Variants in ABHD2 observed in about 807,000 individuals in gnomAD.
ABHD2 encodes the protein abhydrolase domain containing 2, acylglycerol lipase.
Under a neutral mutation model 48.1 loss-of-function variants are expected in ABHD2, and 20 were observed. The ratio of observed to expected loss-of-function variants is 0.42; its 90% CI spans 0.29 to 0.60. The LOEUF is 0.60. Among genes scored for constraint, ABHD2 ranks in the 20% least tolerant of loss-of-function variants. ABHD2 has a pLI of 0.24. For missense variants in ABHD2, 405 were observed against 550.9 expected (o/e 0.74, Z 2.65); for synonymous variants, 209 against 214.2 (o/e 0.98, Z 0.21).
At chr15:89,093,748 A>G (rs1460490068) in intron 1 of ABHD2, 1 of 152,300 alleles carries the variant, frequency 6.6e-6, no homozygotes, top group East Asian at 1.9e-4. Context: ...TAAACTTCCA[A>G]GGTCTGAGCC....
Position 89,185,615 on chromosome 15 carries a change from A to G in ABHD2, c.815+99A>G. ...AGGACTCCTGTTCCTTCAGGGGAAA[A>G]AAAAAAATGCAGGTGTGGTACAGAC... On this transcript the variant is annotated intron_variant, in intron 7 of 10. Transcript: ENST00000352732. The surrounding 1 kb of genome is among the most constrained non-coding windows in gnomAD (Gnocchi z 5.9). 1 of 1,049,942 alleles carries G rather than the reference A, an allele frequency of 9.5e-7. No homozygotes were observed. Among genetic ancestry groups the G allele is most frequent in the Non-Finnish European group, 1.4e-6 (1 of 700,202 alleles). The allele number at this position is 1,049,942 out of a possible 1,614,324, so 65.0% of individuals were successfully genotyped here. A position where few individuals can be genotyped will look rare whatever the true frequency, so the allele number is the denominator to read the frequency against.
chr15:89,125,769 C>G (rs964459014), intron 3 of ABHD2, among the ~76,000 whole-genome samples: 4 of 152,134 alleles, frequency 2.6e-5, no homozygotes, highest in African/African-American at 9.7e-5. Context: ...AAGGGGCCAG[C>G]CACATCAGGA....
chr15:89,138,574 C>G (rs571475473), intron 3 of ABHD2, among the ~76,000 whole-genome samples: 1 of 152,176 alleles, frequency 6.6e-6, no homozygotes, highest in Non-Finnish European at 1.5e-5. Flanking sequence ...AAAAAAACTC[C>G]TCTAACAAGA....
Position 89,091,688 on chromosome 15 carries a change from A to G in ABHD2, c.-107+3125A>G, listed in dbSNP as rs949125991. Among the ~76,000 whole-genome samples the G allele has an allele frequency of 6.6e-6, 1 of 152,178 alleles. No individual in the cohort carries two copies. The highest frequency in any genetic ancestry group is 1.5e-5 in the Non-Finnish European group (1 of 68,038). On this transcript the variant is annotated intron_variant, in intron 1 of 10. Coordinates refer to ENST00000352732, the MANE Select transcript of ABHD2 (RefSeq NM_152924.5). This position sits in a 1 kb window ranked among gnomAD's most constrained non-coding sequence, Gnocchi z 5.5. ...TTTTGCCTAAAATCTGGCTCTTTTA[A>G]AAGCCCCAGGAGAGAGACATTTCCA...
Position 89,168,003 on chromosome 15 carries a change from G to T in ABHD2, c.539-7809G>T, listed in dbSNP as rs2050862687. 6.6e-6 allele frequency among the ~76,000 whole-genome samples: 1 copy of T among 152,220 alleles called. No homozygotes were observed. Among genetic ancestry groups the T allele is most frequent in the South Asian group, 2.1e-4 (1 of 4,836 alleles). On this transcript the variant is annotated intron_variant, in intron 5 of 10. Coordinates refer to ENST00000352732, the MANE Select transcript of ABHD2 (RefSeq NM_152924.5). This position sits in a 1 kb window ranked among gnomAD's most constrained non-coding sequence, Gnocchi z 4.8. ...CCTGACATTTTGTGGCATATCCACA[G>T]ATGCCATGCATGGGCCTGGCATGGA...
chr15:89,144,219 C>T (rs1321995997), intron 3 of ABHD2, among the ~76,000 whole-genome samples: 9 of 152,234 alleles, frequency 5.9e-5, no homozygotes, highest in East Asian at 1.9e-4. Context: ...CTGCAACCTC[C>T]GCCTCCTGGG....
rs1409028553 is a variant in ABHD2 at position 89,108,294 on chromosome 15, T to C, written c.-106-5431T>C. Among the ~76,000 whole-genome samples the C allele has an allele frequency of 3.9e-5, 6 of 152,346 alleles. No individual in the cohort carries two copies. In the South Asian group the frequency reaches 1.0e-3, roughly 26 times the overall value. On this transcript the variant is annotated intron_variant, in intron 1 of 10. Transcript: ENST00000352732. ...CCCTGCTTGTCTCCTCTTCTGATGGTTGCCAGCCATCCTTGGCATTGCTTG... is the reference window on the plus strand; with the variant it reads ...CCCTGCTTGTCTCCTCTTCTGATGGCTGCCAGCCATCCTTGGCATTGCTTG...
At chr15:89,119,758 C>G (rs886753289) in intron 3 of ABHD2, among the ~76,000 whole-genome samples, 6 of 152,170 alleles carry the variant, frequency 3.9e-5, no homozygotes, top group Non-Finnish European at 8.8e-5. Flanking sequence ...GACCCTCTTT[C>G]TGTTTCTGTC....
At chr15:89,058,107 C>T in the ABHD2 span, among the ~76,000 whole-genome samples, 1 of 152,208 alleles carries the variant, frequency 6.6e-6, no homozygotes. Flanking sequence ...ATGCTCCATC[C>T]TTCCGCCTTG....
chr15:89,135,576 ATTC>A, intron 3 of ABHD2: 1 of 1,523,056 alleles, frequency 6.6e-7, no homozygotes, highest in African/African-American at 1.4e-5. Context: ...CCTCCTCCTC[ATTC>A]TTATCCTCTT....
the ABHD2 span, among the ~76,000 whole-genome samples, chr15:89,063,510 CCT>C: frequency 2.5e-4 from 37 of 148,328 alleles, no homozygotes; most frequent in Non-Finnish European, 2.7e-4. Flanking sequence ...CTAATCTCTG[CCT>C]CTCTCTCTCT....
chr15:89,041,559 T>A, the ABHD2 span, among the ~76,000 whole-genome samples: 1 of 152,238 alleles, frequency 6.6e-6, no homozygotes, highest in Non-Finnish European at 1.5e-5. Flanking sequence ...ACTGTCCTAG[T>A]GTGAATCCGG....
At chr15:89,171,960 A>G (rs4932211) in intron 5 of ABHD2, among the ~76,000 whole-genome samples, 1 of 151,926 alleles carries the variant, frequency 6.6e-6, no homozygotes, top group Non-Finnish European at 1.5e-5. Context: ...CTTTGAGGCT[A>G]TTTCTTTAAC....
intron 3 of ABHD2, among the ~76,000 whole-genome samples, chr15:89,130,492 T>C (rs2050202030): frequency 6.6e-6 from 1 of 152,230 alleles, no homozygotes. Flanking sequence ...GTTCTCAGTT[T>C]CTGTTTCTGG....
rs779284661 is a variant in ABHD2, at chr15:89,116,351, C to T, written c.24C>T (p.Pro8=). MNAMLET[P]ELPAVFDGVK... is the part of the protein sequence containing the mutation. ...AGATGAATGCCATGCTGGAGACTCC[C>T]GAACTCCCAGCCGTGTTTGATGGAG... The change falls in exon 3 of 11, where the codon CCC becomes CCT. Residue 8 remains proline, a synonymous_variant. Coordinates refer to ENST00000352732, the MANE Select transcript of ABHD2 (RefSeq NM_152924.5). This position sits in a 1 kb window ranked among gnomAD's most constrained non-coding sequence, Gnocchi z 4.6. 2.6e-5 allele frequency: 42 copies of T among 1,613,864 alleles called. No homozygotes were observed. The highest frequency in any genetic ancestry group is 2.3e-4 in the African/African-American group (17 of 74,930).
chr15:89,154,533 C>G (rs1190997278), intron 4 of ABHD2, among the ~76,000 whole-genome samples: 2 of 152,212 alleles, frequency 1.3e-5, no homozygotes, highest in Non-Finnish European at 2.9e-5. Context: ...TACCCCTGCT[C>G]AGTGGTACCC....
chr15:89,147,210 T>G (rs1420463308), intron 3 of ABHD2, among the ~76,000 whole-genome samples: 2 of 152,046 alleles, frequency 1.3e-5, no homozygotes, highest in African/African-American at 4.8e-5. Context: ...AGCTAGTCTG[T>G]CAGAAAAAAA....
At chr15:89,183,382 AAAATATATAT>A (rs1283586337) in intron 6 of ABHD2, 398 of 55,448 alleles carry the variant, frequency 7.2e-3, no homozygotes, top group African/African-American at 0.037. Flanking sequence ...AAAAAAAAAA[AAAATATATAT>A]ATATATATAT....
chr15:89,111,956 T>TA (rs1350882888), intron 1 of ABHD2, among the ~76,000 whole-genome samples: 5 of 152,044 alleles, frequency 3.3e-5, no homozygotes, highest in African/African-American at 1.2e-4. Flanking sequence ...TATATATATA[T>TA]TGATTGTATA....
Sources: allele counts gnomAD v4.1 joint callset (sites outside exome capture counted in the v4.1 genomes callset), GRCh38; gene constraint gnomAD v4.1.1; non-coding constraint Gnocchi (gnomAD v3.1); transcripts MANE v1.5; gene names NCBI Gene and HGNC (gene_info 2026-07-23, HGNC 2026-07-21).